Variants in IQCM observed in about 807,000 individuals in gnomAD.
The protein encoded by IQCM is IQ motif containing M.
IQCM carries 45 observed loss-of-function variants against 57.6 expected under a neutral mutation model. That is an observed-to-expected ratio of 0.78 (90% CI 0.62 to 1.00). The LOEUF is 1.00. Among genes scored for constraint, IQCM ranks in the 50% least tolerant of loss-of-function variants. IQCM has a pLI of 0.00. For missense variants in IQCM, 468 were observed against 511.6 expected, an observed-to-expected ratio of 0.91 and a Z score of 0.82; for synonymous variants, 148 against 158.9, an observed-to-expected ratio of 0.93 and a Z score of 0.51.
intron 12 of IQCM, among the ~76,000 whole-genome samples, chr4:149,502,063 G>A (rs1040979242): frequency 2.0e-5 from 3 of 152,016 alleles, no homozygotes; most frequent in Non-Finnish European, 4.4e-5. Flanking sequence ...TTTAGACAGT[G>A]AGAATACATC....
chr4:149,657,335 A>C (rs937632589), intron 7 of IQCM, among the ~76,000 whole-genome samples: 3 of 152,120 alleles, frequency 2.0e-5, no homozygotes, highest in African/African-American at 7.2e-5. Context: ...TATTGTCACA[A>C]ATGACGGGAT....
At chr4:149,476,694 T>C (rs895846638) in intron 12 of IQCM, among the ~76,000 whole-genome samples, 10 of 152,184 alleles carry the variant, frequency 6.6e-5, no homozygotes, top group Non-Finnish European at 1.2e-4. Flanking sequence ...TCTATCAGAC[T>C]AGATTTAGTC....
intron 8 of IQCM, among the ~76,000 whole-genome samples, chr4:149,596,510 C>A (rs961865515): frequency 2.0e-5 from 3 of 151,810 alleles, no homozygotes; most frequent in South Asian, 2.1e-4. Context: ...ACCCAGAGTA[C>A]CAAGGAAAGT....
intron 13 of IQCM, among the ~76,000 whole-genome samples, chr4:149,409,955 G>T (rs1291379551): frequency 6.6e-6 from 1 of 152,192 alleles, no homozygotes; most frequent in African/African-American, 2.4e-5. Flanking sequence ...GCAGGCCAAG[G>T]CAGGTGGATC....
rs543380904 is a variant in IQCM, at chr4:149,602,809, A to T, written c.682-14812T>A. 7.2e-5 allele frequency among the ~76,000 whole-genome samples: 11 copies of T among 152,100 alleles called. No homozygotes were observed. The South Asian group carries it at 2.3e-3, about 32-fold the overall frequency. ...ATATATGATTATCTATTTTTTGTTG[A>T]TTATCAGTTTGTCCTTTTTTATGCA... On this transcript the variant is annotated intron_variant, in intron 8 of 13. Transcript: ENST00000636793.
chr4:149,699,519 A>G (rs538502118), intron 5 of IQCM, among the ~76,000 whole-genome samples: 1 of 152,006 alleles, frequency 6.6e-6, no homozygotes, highest in East Asian at 1.9e-4. Flanking sequence ...GCTCTAGTCC[A>G]TCTGATGGAA....
At chr4:149,784,321 A>G (rs1418082033) in intron 2 of IQCM, among the ~76,000 whole-genome samples, 2 of 152,332 alleles carry the variant, frequency 1.3e-5, no homozygotes, top group Admixed American at 6.5e-5. Context: ...GATTTCAAAC[A>G]TTCTGCCTGA....
chr4:149,408,832 C>A (rs1733165440), intron 13 of IQCM, among the ~76,000 whole-genome samples: 1 of 152,080 alleles, frequency 6.6e-6, no homozygotes, highest in Admixed American at 6.6e-5. Flanking sequence ...CTCAGGTTCA[C>A]CAGAAGTCTA....
At chr4:149,383,808 T>G (rs1318022373) in intron 13 of IQCM, among the ~76,000 whole-genome samples, 2 of 151,958 alleles carry the variant, frequency 1.3e-5, no homozygotes, top group Non-Finnish European at 2.9e-5. Context: ...AAAAATTAGC[T>G]GGGCATGGTG....
At chr4:149,362,745 A>G (rs1462054399) in intron 13 of IQCM, among the ~76,000 whole-genome samples, 3 of 152,338 alleles carry the variant, frequency 2.0e-5, no homozygotes, top group African/African-American at 7.2e-5. Context: ...ATATTTATAT[A>G]GCAGAGGTCC....
intron 8 of IQCM, among the ~76,000 whole-genome samples, chr4:149,593,248 C>T (rs138386305): frequency 0.024 from 3,624 of 152,150 alleles, 108 homozygotes; most frequent in South Asian, 0.15. Context: ...CACGATTTGG[C>T]TCTCTGTTTG....
chr4:149,624,147 A>AGTGTGTGTGT (rs34626095), intron 7 of IQCM, among the ~76,000 whole-genome samples: 1 of 144,574 alleles, frequency 6.9e-6, no homozygotes, highest in East Asian at 2.1e-4. Context: ...ATGTGCCCCA[A>AGTGTGTGTGT]GTGTGTGTGT....
intron 2 of IQCM, among the ~76,000 whole-genome samples, chr4:149,797,812 C>A (rs1773249157): frequency 6.6e-6 from 1 of 151,580 alleles, no homozygotes; most frequent in Admixed American, 6.6e-5. Flanking sequence ...AAAACTTTTT[C>A]TCTAGAATAG....
intron 12 of IQCM, among the ~76,000 whole-genome samples, chr4:149,534,632 G>A (rs1368024684): frequency 1.3e-5 from 2 of 152,046 alleles, no homozygotes; most frequent in African/African-American, 4.8e-5. Flanking sequence ...ACAGTTTTAT[G>A]GTAGGAACAT....
At chr4:149,697,122 A>C (rs968439205) in intron 5 of IQCM, among the ~76,000 whole-genome samples, 1 of 151,882 alleles carries the variant, frequency 6.6e-6, no homozygotes, top group African/African-American at 2.4e-5. Context: ...AAATAAATCA[A>C]TTCTTTGCCA....
chr4:149,537,344 T>C (rs944871940), intron 12 of IQCM, among the ~76,000 whole-genome samples: 1 of 151,702 alleles, frequency 6.6e-6, no homozygotes, highest in Non-Finnish European at 1.5e-5. Context: ...TACAAAATGA[T>C]CTCAGCCACA....
chr4:149,447,002 C>A (rs1405924692), intron 12 of IQCM, among the ~76,000 whole-genome samples: 6 of 151,362 alleles, frequency 4.0e-5, no homozygotes, highest in African/African-American at 1.2e-4. Flanking sequence ...AAAAAGAGAG[C>A]AAAGTGGCCC....
intron 13 of IQCM, among the ~76,000 whole-genome samples, chr4:149,354,380 A>AAAAAC (rs1553953457): frequency 1.4e-4 from 18 of 131,354 alleles, no homozygotes; most frequent in African/African-American, 4.1e-4. Flanking sequence ...AAAAAAAAAA[A>AAAAAC]AAAAAAAAAC....
chr4:149,634,709 C>G (rs1757578560), intron 7 of IQCM, among the ~76,000 whole-genome samples: 1 of 152,130 alleles, frequency 6.6e-6, no homozygotes, highest in Non-Finnish European at 1.5e-5. Flanking sequence ...TTGAATGAAG[C>G]CTCTATCAAA....
Sources: allele counts gnomAD v4.1 joint callset (sites outside exome capture counted in the v4.1 genomes callset), GRCh38; gene constraint gnomAD v4.1.1; transcripts MANE v1.5; gene names NCBI Gene and HGNC (gene_info 2026-07-23, HGNC 2026-07-21).